Variants in UGT2B10 observed in about 807,000 individuals in gnomAD.
The protein encoded by UGT2B10 is UDP-glucuronosyltransferase 2B10.
A neutral mutation model predicts 43.7 loss-of-function variants in UGT2B10; 51 were observed. The observed-to-expected ratio is 1.17, with a 90% CI of 0.93 to 1.47. UGT2B10 has a LOEUF of 1.47. Among genes scored for constraint, UGT2B10 ranks in the 40% most tolerant of loss-of-function variants. The pLI is 0.00. For synonymous variants in UGT2B10, 225 were observed against 209.0 expected, an observed-to-expected ratio of 1.08 and a Z score of -0.66; for missense variants, 696 against 617.7, an observed-to-expected ratio of 1.13 and a Z score of -1.34.
rs769915695 is a variant in UGT2B10, at chr4:68,823,809, A to G, written c.999+1407A>G. 7.6e-4 allele frequency among the ~76,000 whole-genome samples: 116 copies of G among 152,138 alleles called. 1 individual carries two copies. Among genetic ancestry groups the G allele is most frequent in the Non-Finnish European group, 2.1e-4 (14 of 68,004 alleles). ...ATCAAAAATATACATGGATGATGCT[A>G]TAATAATAGGCTGTTTTTCATTGAT... On this transcript the variant is annotated intron_variant, in intron 3 of 5. Transcript: ENST00000265403.
chr4:68,817,843 T>C (rs1737291512), intron 1 of UGT2B10, among the ~76,000 whole-genome samples, 186 bp from the exon 2 acceptor site: 1 of 151,794 alleles, frequency 6.6e-6, no homozygotes, highest in African/African-American at 2.4e-5. Flanking sequence ...TTCTTATAAA[T>C]AAACAAGGGC....
At chr4:68,822,959 T>C (rs1440773099) in intron 3 of UGT2B10, among the ~76,000 whole-genome samples, 1 of 152,162 alleles carries the variant, frequency 6.6e-6, no homozygotes, top group Non-Finnish European at 1.5e-5. Flanking sequence ...TTACTTATTG[T>C]ACTCTGGAAG....
At chr4:68,821,728 T>C (rs1266930283) in intron 2 of UGT2B10, among the ~76,000 whole-genome samples, 1 of 152,120 alleles carries the variant, frequency 6.6e-6, no homozygotes, top group East Asian at 1.9e-4. Context: ...GCAAAAAGCA[T>C]TGTAGAGTAA....
At chr4:68,827,917 CTA>C (rs148378224) in intron 5 of UGT2B10, among the ~76,000 whole-genome samples, 11,919 of 151,730 alleles carry the variant, frequency 0.079, 488 homozygotes, top group East Asian at 0.18. Context: ...CAGAATATAA[CTA>C]TTTTCTTGCA....
rs965367593 is a variant in UGT2B10 at position 68,831,381 on chromosome 4, C to T, written c.*502C>T. ...GGGATGAGATTACAGGTATGTACCA[C>T]CATAACTTTACAAAATGAGATTTTT... On this transcript the variant is annotated 3_prime_UTR_variant, in exon 6 of 6. Coordinates refer to ENST00000265403, the MANE Select transcript of UGT2B10 (RefSeq NM_001075.6). Among the ~76,000 whole-genome samples the T allele has an allele frequency of 1.2e-4, 18 of 151,984 alleles. No individual in the cohort carries two copies. Among genetic ancestry groups the T allele is most frequent in the African/African-American group, 3.4e-4 (14 of 41,398 alleles).
At position 68,816,672 on chromosome 4, in the gene UGT2B10, A is replaced by T; in HGVS notation, c.653A>T (p.Tyr218Phe). ...GTAAAAAATATGCTCTATGTGCTTTATTTTGACTTTTGGTTCCAAATATTT... is the reference window on the plus strand; with the variant it reads ...GTAAAAAATATGCTCTATGTGCTTTTTTTTGACTTTTGGTTCCAAATATTT... ...ERVKNMLYVL[Y>F]FDFWFQIFNM... Residue 218 changes from tyrosine (Y) to phenylalanine (F), a missense_variant, in exon 1 of 6, where the codon TAT becomes TTT. Tyr to Phe is a conservative substitution (Grantham distance 22). Transcript: ENST00000265403. 1 of 1,612,064 alleles carries T rather than the reference A, an allele frequency of 6.2e-7. No individual in the cohort carries two copies. Among genetic ancestry groups the T allele is most frequent in the Non-Finnish European group, 8.5e-7 (1 of 1,178,936 alleles).
chr4:68,828,960 G>A (rs1195638984), intron 5 of UGT2B10, among the ~76,000 whole-genome samples: 1 of 151,942 alleles, frequency 6.6e-6, no homozygotes, highest in Admixed American at 6.6e-5. Flanking sequence ...AATATTTAAA[G>A]TCAAGAAGTA....
intron 5 of UGT2B10, among the ~76,000 whole-genome samples, chr4:68,827,885 T>C (rs1445852814): frequency 5.3e-5 from 8 of 151,866 alleles, no homozygotes; most frequent in Non-Finnish European, 8.8e-5. Context: ...TAAAATGTTT[T>C]AATTAAATAT....
At chr4:68,826,799 C>T (rs1183924332) in intron 4 of UGT2B10, among the ~76,000 whole-genome samples, 3 of 152,142 alleles carry the variant, frequency 2.0e-5, no homozygotes, top group South Asian at 4.1e-4. Context: ...CAACTTTACA[C>T]CTGTTTTCTC....
intron 2 of UGT2B10, among the ~76,000 whole-genome samples, chr4:68,819,551 G>T (rs1737390881): frequency 6.6e-6 from 1 of 151,918 alleles, no homozygotes; most frequent in South Asian, 2.1e-4. Flanking sequence ...AAATCATTCT[G>T]CATTGAGATC....
At chr4:68,824,078 C>G (rs1737648306) in intron 3 of UGT2B10, among the ~76,000 whole-genome samples, 1 of 152,182 alleles carries the variant, frequency 6.6e-6, no homozygotes. Flanking sequence ...TTCAAAAAGT[C>G]TGACATGCAT....
chr4:68,826,288 A>T, intron 3 of UGT2B10, 122 bp from the exon 4 acceptor site: 2 of 1,026,966 alleles, frequency 1.9e-6, no homozygotes. Flanking sequence ...TTTTTGCATC[A>T]GTCTTTGAGT....
Position 68,831,885 on chromosome 4 carries a change from A to G in UGT2B10, c.*1006A>G, listed in dbSNP as rs1738115495. Among the ~76,000 whole-genome samples, 1 of 152,078 alleles carries G rather than the reference A, an allele frequency of 6.6e-6. No individual in the cohort carries two copies. Among genetic ancestry groups the G allele is most frequent in the South Asian group, 2.1e-4 (1 of 4,828 alleles). On this transcript the variant is annotated 3_prime_UTR_variant, in exon 6 of 6. Transcript: ENST00000265403. ...CACCTTACCTGACTAAGGATTATTC[A>G]TTAAGTTTTACTTGTTTATCTGACA...
Position 68,829,826 on chromosome 4 carries a change from G to A in UGT2B10, c.1308-774G>A, listed in dbSNP as rs370947688. Among the ~76,000 whole-genome samples, 4 of 152,200 alleles carry A rather than the reference G, an allele frequency of 2.6e-5. No homozygotes were observed. The East Asian group carries it at 7.8e-4, about 30-fold the overall frequency. On this transcript the variant is annotated intron_variant, in intron 5 of 5. Transcript: ENST00000265403. ...AGTGTTAGAAAAAGACCTTGCCAGT[G>A]TCTAACAATGTAGGGTTCTGTAGAC...
intron 5 of UGT2B10, among the ~76,000 whole-genome samples, chr4:68,829,232 G>T (rs1737957089): frequency 6.6e-6 from 1 of 151,896 alleles, no homozygotes; most frequent in Admixed American, 6.6e-5. Flanking sequence ...AAACACTAAG[G>T]AGTACATATT....
chr4:68,826,815 C>T lies in UGT2B10; in HGVS notation c.1087+318C>T, dbSNP rs150684275. ...AACTTTACACCTGTTTTCTCCTCTC[C>T]TGCAGGGTTATTTCAAATGCCACTA... On this transcript the variant is annotated intron_variant, in intron 4 of 5. Coordinates refer to ENST00000265403, the MANE Select transcript of UGT2B10 (RefSeq NM_001075.6). Among the ~76,000 whole-genome samples the T allele has an allele frequency of 6.4e-3, 972 of 152,192 alleles. 16 individuals are homozygous for T. Among genetic ancestry groups the T allele is most frequent in the African/African-American group, 0.022 (929 of 41,552 alleles).
intron 2 of UGT2B10, among the ~76,000 whole-genome samples, chr4:68,818,988 G>A (rs1423797260): frequency 6.6e-6 from 1 of 151,762 alleles, no homozygotes; most frequent in African/African-American, 2.4e-5. Flanking sequence ...TTGCAGAAGG[G>A]CCAGACTGTA....
intron 1 of UGT2B10, 66 bp from the exon 2 acceptor site, chr4:68,817,963 T>A (rs997174040): frequency 3.8e-6 from 6 of 1,558,612 alleles, no homozygotes; most frequent in African/African-American, 2.8e-5. Flanking sequence ...TTCTAACCCC[T>A]TTCAGAAAAT....
At chr4:68,830,293 G>A (rs940705288) in intron 5 of UGT2B10, among the ~76,000 whole-genome samples, 2 of 148,494 alleles carry the variant, frequency 1.3e-5, no homozygotes, top group African/African-American at 2.5e-5. Context: ...CACTTAATAT[G>A]GACCCACAAA....
Sources: gnomAD v4.1 joint callset for allele counts (sites outside exome capture counted in the v4.1 genomes callset) on GRCh38, gnomAD v4.1.1 for gene constraint, MANE v1.5 for transcripts, NCBI Gene and HGNC (gene_info 2026-07-23, HGNC 2026-07-21) for gene names.